NEO1: variants seen among roughly 807,000 people sequenced by gnomAD.
The protein encoded by NEO1 is neogenin.
NEO1 carries 63 observed loss-of-function variants against 159.7 expected under a neutral mutation model. The observed-to-expected ratio is 0.39, with a 90% CI of 0.32 to 0.49. The LOEUF (loss-of-function observed/expected upper bound fraction) is 0.49. Among genes scored for constraint, NEO1 ranks in the 20% least tolerant of loss-of-function variants. The pLI, the probability that NEO1 is intolerant of heterozygous loss-of-function variation, is 0.85. For missense variants in NEO1, 1,615 were observed against 1,831.0 expected (o/e 0.88, Z 2.15); for synonymous variants, 633 against 662.0 (o/e 0.96, Z 0.67).
chr15:73,118,021 T>G (rs897667098), intron 2 of NEO1, among the ~76,000 whole-genome samples: 1 of 152,128 alleles, frequency 6.6e-6, no homozygotes, highest in Non-Finnish European at 1.5e-5. Context: ...GTATAATGAC[T>G]GCCTCTACAA....
At chr15:73,232,702 C>T (rs955726459) in intron 7 of NEO1, among the ~76,000 whole-genome samples, 1 of 152,174 alleles carries the variant, frequency 6.6e-6, no homozygotes, top group Non-Finnish European at 1.5e-5. Context: ...TGTTCCATGG[C>T]TAGTCTACCA....
At chr15:73,156,292 G>A (rs2033768294) in intron 5 of NEO1, among the ~76,000 whole-genome samples, 1 of 152,176 alleles carries the variant, frequency 6.6e-6, no homozygotes, top group Non-Finnish European at 1.5e-5. Context: ...TGGAGTCTGT[G>A]ATGAGGTTTT....
intron 1 of NEO1, among the ~76,000 whole-genome samples, chr15:73,054,684 A>G (rs906686678): frequency 8.6e-5 from 13 of 152,044 alleles, no homozygotes; most frequent in African/African-American, 3.1e-4. Context: ...TGGGTCTAGA[A>G]CATAGATCTC....
At chr15:73,254,875 A>G in intron 13 of NEO1, 46 bp downstream of exon 13, 1 of 1,581,064 alleles carries the variant, frequency 6.3e-7, no homozygotes, top group Non-Finnish European at 8.6e-7. Flanking sequence ...TGTCTTTCTC[A>G]GATATTGAAT....
Position 73,204,272 on chromosome 15 carries a change from C to T in NEO1, c.1291+25845C>T, listed in dbSNP as rs754253081. On this transcript the variant is annotated intron_variant, in intron 7 of 28. Coordinates refer to ENST00000261908, the MANE Select transcript of NEO1 (RefSeq NM_002499.4). ...TTTTCGCTTTGTCTTTGGTTTTCTG[C>T]AGTTTGGGTATGATGTGCTTAGGTG... 5.3e-5 allele frequency among the ~76,000 whole-genome samples: 8 copies of T among 151,772 alleles called. No homozygotes were observed. The South Asian group carries it at 6.2e-4, about 12-fold the overall frequency.
chr15:73,220,769 A>G (rs1219156653), intron 7 of NEO1, among the ~76,000 whole-genome samples: 1 of 152,090 alleles, frequency 6.6e-6, no homozygotes, highest in African/African-American at 2.4e-5. Context: ...CCTTGCTTTC[A>G]GCTCCATCAG....
chr15:73,223,815 T>C (rs1424625108), intron 7 of NEO1, among the ~76,000 whole-genome samples: 7 of 152,332 alleles, frequency 4.6e-5, no homozygotes, highest in African/African-American at 1.7e-4. Flanking sequence ...ATTACATGCA[T>C]CGTGCTATTT....
intron 23 of NEO1, among the ~76,000 whole-genome samples, chr15:73,286,500 C>T (rs1781467485): frequency 6.6e-6 from 1 of 152,162 alleles, no homozygotes; most frequent in African/African-American, 2.4e-5. Flanking sequence ...TGTGTTCTCC[C>T]CAAGTGATCT....
Position 73,082,570 on chromosome 15 carries a change from C to T in NEO1, c.130+29765C>T, listed in dbSNP as rs141194380. Among the ~76,000 whole-genome samples the T allele has an allele frequency of 1.2e-3, 176 of 151,702 alleles. 3 individuals carry two copies. The East Asian group carries it at 0.028, about 24-fold the overall frequency. On this transcript the variant is annotated intron_variant, in intron 1 of 28. Coordinates refer to ENST00000261908, the MANE Select transcript of NEO1 (RefSeq NM_002499.4). Reference sequence around the variant, plus strand: ...AGAAAAAACAGTAAGATGAAGTTCACAGAACAAAGGATTTTTTTTTTTGGA... The same window carrying T: ...AGAAAAAACAGTAAGATGAAGTTCATAGAACAAAGGATTTTTTTTTTTGGA...
At chr15:73,269,471 A>C (rs1279156340) in intron 16 of NEO1, among the ~76,000 whole-genome samples, 1 of 152,038 alleles carries the variant, frequency 6.6e-6, no homozygotes, top group Non-Finnish European at 1.5e-5. Context: ...AGCGATTCTC[A>C]TGCCTCAGCC....
At chr15:73,230,204 A>G (rs1463555812) in intron 7 of NEO1, among the ~76,000 whole-genome samples, 1 of 152,136 alleles carries the variant, frequency 6.6e-6, no homozygotes, top group Non-Finnish European at 1.5e-5. Context: ...GAAGATTTTT[A>G]CTTACTAATT....
intron 7 of NEO1, among the ~76,000 whole-genome samples, chr15:73,181,911 G>A (rs1017027056): frequency 3.3e-5 from 5 of 152,088 alleles, no homozygotes; most frequent in African/African-American, 1.2e-4. Context: ...CCAAGTTCTG[G>A]GTAACTAGGT....
At chr15:73,071,914 A>G (rs1180648190) in intron 1 of NEO1, among the ~76,000 whole-genome samples, 2 of 150,682 alleles carry the variant, frequency 1.3e-5, no homozygotes, top group African/African-American at 4.9e-5. Flanking sequence ...TGATCATACT[A>G]TATCTGATGG....
intron 5 of NEO1, among the ~76,000 whole-genome samples, chr15:73,173,180 C>A (rs551276793): frequency 6.6e-6 from 1 of 152,242 alleles, no homozygotes; most frequent in African/African-American, 2.4e-5. Flanking sequence ...ATGAAGACTC[C>A]AAGTTCTTGT....
chr15:73,135,636 GA>G (rs1567281115), intron 4 of NEO1, among the ~76,000 whole-genome samples: 1 of 152,096 alleles, frequency 6.6e-6, no homozygotes, highest in Non-Finnish European at 1.5e-5. Flanking sequence ...TACCCCTTTG[GA>G]AATAACTAGA....
intron 9 of NEO1, among the ~76,000 whole-genome samples, chr15:73,246,387 T>C (rs1459655451): frequency 1.3e-5 from 2 of 152,166 alleles, no homozygotes; most frequent in African/African-American, 4.8e-5. Flanking sequence ...AATGTTGAAT[T>C]TTACAGTTAC....
chr15:73,238,502 A>G (rs1429398967), intron 8 of NEO1, among the ~76,000 whole-genome samples: 1 of 151,724 alleles, frequency 6.6e-6, no homozygotes, highest in African/African-American at 2.4e-5. Context: ...TTGATTATCC[A>G]TTTGGTGGGA....
Position 73,075,691 on chromosome 15 carries a change from A to G in NEO1, c.130+22886A>G, listed in dbSNP as rs116778179. On this transcript the variant is annotated intron_variant, in intron 1 of 28. Coordinates refer to ENST00000261908, the MANE Select transcript of NEO1 (RefSeq NM_002499.4). ...TTGATGGTTTCTTTTGTATCATAGG[A>G]TGCCACGTCACCAACTAGGGAATTC... 4.7e-3 allele frequency among the ~76,000 whole-genome samples: 719 copies of G among 152,168 alleles called. 4 individuals carry two copies. Among genetic ancestry groups the G allele is most frequent in the African/African-American group, 0.017 (687 of 41,512 alleles).
chr15:73,158,158 T>A (rs561839937), intron 5 of NEO1, among the ~76,000 whole-genome samples: 1 of 148,094 alleles, frequency 6.8e-6, no homozygotes, highest in African/African-American at 2.5e-5. Context: ...GAGGTTGCAG[T>A]GAGCCGAGAT....
Sources: gnomAD v4.1 joint callset for allele counts (sites outside exome capture counted in the v4.1 genomes callset) on GRCh38, gnomAD v4.1.1 for gene constraint, MANE v1.5 for transcripts, NCBI Gene and HGNC (gene_info 2026-07-23, HGNC 2026-07-21) for gene names.